HLCS: variants seen among roughly 807,000 people sequenced by gnomAD.
HLCS encodes the protein holocarboxylase synthetase.
In HLCS, 53 loss-of-function variants were observed where a neutral mutation model predicts 75.0. The ratio of observed to expected loss-of-function variants is 0.71; its 90% CI spans 0.57 to 0.89. The LOEUF (loss-of-function observed/expected upper bound fraction) is 0.89, where lower values mean the gene tolerates loss of function less well. Ranked by LOEUF, HLCS falls within the 40% of genes least tolerant of loss-of-function variation. The pLI is 0.00. For missense variants in HLCS, 966 were observed against 1,074.0 expected (o/e 0.90, Z 1.41); for synonymous variants, 431 against 428.6 (o/e 1.01, Z -0.07).
intron 6 of HLCS, among the ~76,000 whole-genome samples, chr21:36,840,544 A>G (rs1427169915): frequency 6.6e-6 from 1 of 152,226 alleles, no homozygotes; most frequent in African/African-American, 2.4e-5. Flanking sequence ...TATCGTCATT[A>G]TAAAGATTAT....
At chr21:36,823,830 C>A (rs1244180731) in intron 6 of HLCS, among the ~76,000 whole-genome samples, 1 of 152,142 alleles carries the variant, frequency 6.6e-6, no homozygotes, top group Non-Finnish European at 1.5e-5. Flanking sequence ...TTAGCTACTT[C>A]CCCCTCCCAT....
At chr21:36,965,375 G>C (rs977876886) in intron 1 of HLCS, among the ~76,000 whole-genome samples, 3 of 152,206 alleles carry the variant, frequency 2.0e-5, no homozygotes, top group African/African-American at 4.8e-5. Context: ...GAAATTTTGT[G>C]CAGTACTGCA....
At chr21:36,982,997 G>A (rs1205143942) in intron 1 of HLCS, among the ~76,000 whole-genome samples, 1 of 151,868 alleles carries the variant, frequency 6.6e-6, no homozygotes, top group East Asian at 1.9e-4. Context: ...TTGTGCCAAT[G>A]CACTACAGCC....
At chr21:36,770,785 T>G (rs546006910) in intron 6 of HLCS, among the ~76,000 whole-genome samples, 2 of 152,276 alleles carry the variant, frequency 1.3e-5, no homozygotes, top group Non-Finnish European at 2.9e-5. Context: ...GAGCCCAGGC[T>G]GGGTAACCTT....
At chr21:36,929,488 G>T (rs886212057) in intron 5 of HLCS, among the ~76,000 whole-genome samples, 3 of 152,242 alleles carry the variant, frequency 2.0e-5, no homozygotes, top group Admixed American at 6.5e-5. Context: ...TTTAAAAAAT[G>T]TTGGGATGAG....
At chr21:36,756,814 C>G (rs2089621668) in intron 9 of HLCS, 59 bp from the exon 10 acceptor site, 1 of 1,611,870 alleles carries the variant, frequency 6.2e-7, no homozygotes. Context: ...ACATTCCTCT[C>G]TGCCACATGG....
chr21:36,796,921 C>T (rs1211309168), intron 6 of HLCS, among the ~76,000 whole-genome samples: 1 of 150,986 alleles, frequency 6.6e-6, no homozygotes, highest in African/African-American at 2.4e-5. Context: ...GGCTAGAGTA[C>T]AGTGGAGTGA....
chr21:36,902,066 C>T (rs1043001569), intron 5 of HLCS, among the ~76,000 whole-genome samples: 6 of 152,068 alleles, frequency 3.9e-5, no homozygotes, highest in African/African-American at 9.7e-5. Flanking sequence ...GAGAAGTCAC[C>T]GCTGGCCTTG....
At chr21:36,988,731 C>T (rs1351284392) in intron 1 of HLCS, among the ~76,000 whole-genome samples, 1 of 152,176 alleles carries the variant, frequency 6.6e-6, no homozygotes, top group Non-Finnish European at 1.5e-5. Context: ...CACTTAGCAA[C>T]GGGATCAGTT....
chr21:36,834,735 T>C (rs1213969905), intron 6 of HLCS, among the ~76,000 whole-genome samples: 5 of 152,184 alleles, frequency 3.3e-5, no homozygotes, highest in African/African-American at 9.7e-5. Context: ...TTTGTATTTT[T>C]AGTAGAGATG....
At chr21:36,966,680 C>CCCAGCG (rs2068611528), upstream of HLCS, 4 of 929,540 alleles carry the variant, frequency 4.3e-6, no homozygotes, top group Non-Finnish European at 5.1e-6. Flanking sequence ...GCCCGCCCGC[C>CCCAGCG]CCAGCGCCCC....
chr21:36,925,419 T>C (rs533363329), intron 5 of HLCS, among the ~76,000 whole-genome samples: 1 of 152,342 alleles, frequency 6.6e-6, no homozygotes, highest in East Asian at 1.9e-4. Context: ...AAAATTCTTG[T>C]GCTCCCCAGA....
intron 2 of HLCS, among the ~76,000 whole-genome samples, chr21:36,942,908 C>T (rs543910102): frequency 9.2e-5 from 14 of 151,458 alleles, no homozygotes; most frequent in South Asian, 2.1e-4. Context: ...CCAGCCTGGG[C>T]GACAGAGCGA....
At chr21:36,927,849 T>TG (rs2066473340) in intron 5 of HLCS, among the ~76,000 whole-genome samples, 1 of 152,194 alleles carries the variant, frequency 6.6e-6, no homozygotes, top group African/African-American at 2.4e-5. Flanking sequence ...CAGAGTGTCT[T>TG]GCAGGGCACA....
intron 5 of HLCS, among the ~76,000 whole-genome samples, chr21:36,923,025 G>A (rs985397997): frequency 2.0e-5 from 3 of 152,224 alleles, no homozygotes; most frequent in Non-Finnish European, 4.4e-5. Flanking sequence ...CAGACTCAAC[G>A]GTTCCGTCAT....
chr21:36,942,950 G>T (rs1261744741), intron 2 of HLCS, among the ~76,000 whole-genome samples: 1 of 151,574 alleles, frequency 6.6e-6, no homozygotes, highest in Non-Finnish European at 1.5e-5. Flanking sequence ...AGAAAGAAAA[G>T]AAAATATACA....
At chr21:36,855,377 A>T (rs886131878) in intron 6 of HLCS, among the ~76,000 whole-genome samples, 9 of 133,692 alleles carry the variant, frequency 6.7e-5, no homozygotes, top group African/African-American at 1.6e-4. Flanking sequence ...CTAAAAATAA[A>T]AAAAAAAAAA....
chr21:36,942,398 C>CAAAAAA (rs55999516), intron 2 of HLCS, among the ~76,000 whole-genome samples: 20 of 80,926 alleles, frequency 2.5e-4, no homozygotes, highest in Non-Finnish European at 3.8e-4. Context: ...GACTCCGTCT[C>CAAAAAA]AAAAAAAAAA....
intron 6 of HLCS, among the ~76,000 whole-genome samples, chr21:36,827,736 T>C (rs188321330): frequency 7.2e-5 from 11 of 151,994 alleles, no homozygotes; most frequent in Admixed American, 3.9e-4. Flanking sequence ...TGGTGACCTT[T>C]AGGGATTTTC....
Sources: allele counts gnomAD v4.1 joint callset (sites outside exome capture counted in the v4.1 genomes callset), GRCh38; gene constraint gnomAD v4.1.1; transcripts MANE v1.5; gene names NCBI Gene and HGNC (gene_info 2026-07-23, HGNC 2026-07-21).